The following CCDC178 variants were observed in gnomAD, a reference collection of about 807,000 sequenced individuals.
The protein encoded by CCDC178 is coiled-coil domain-containing protein 178.
In CCDC178, 126 loss-of-function variants were observed where a neutral mutation model predicts 117.4. That is an observed-to-expected ratio of 1.07 (90% confidence interval 0.93 to 1.24). The LOEUF (loss-of-function observed/expected upper bound fraction) is 1.24. Ranked by LOEUF, CCDC178 falls within the 50% of genes most tolerant of loss-of-function variation. The probability of loss-of-function intolerance (pLI) is 0.00; values close to 1 mark genes in which losing one functional copy is unlikely to be tolerated. For synonymous variants in CCDC178, 283 were observed against 313.4 expected (o/e 0.90, Z 1.02); for missense variants, 1,030 against 986.9 (o/e 1.04, Z -0.59).
At chr18:33,326,461 G>T (rs541713888) in intron 10 of CCDC178, among the ~76,000 whole-genome samples, 5 of 152,148 alleles carry the variant, frequency 3.3e-5, no homozygotes, top group Admixed American at 3.3e-4. Flanking sequence ...ACTCTAAGGG[G>T]TAAAATATGT....
chr18:33,127,508 T>G (rs2058022411), intron 20 of CCDC178, among the ~76,000 whole-genome samples: 1 of 152,194 alleles, frequency 6.6e-6, no homozygotes, highest in Admixed American at 6.5e-5. Flanking sequence ...CAATCTTGGC[T>G]CACTGCAACC....
At chr18:33,157,436 A>G (rs1425854739) in intron 20 of CCDC178, among the ~76,000 whole-genome samples, 3 of 152,204 alleles carry the variant, frequency 2.0e-5, no homozygotes, top group African/African-American at 7.2e-5. Context: ...ATGAACTAAT[A>G]TGATTTTGTT....
At chr18:33,018,683 A>G (rs777584863) in intron 21 of CCDC178, among the ~76,000 whole-genome samples, 1 of 152,120 alleles carries the variant, frequency 6.6e-6, no homozygotes, top group African/African-American at 2.4e-5. Context: ...TTAAATGTGC[A>G]GAATAGGCAA....
intron 21 of CCDC178, among the ~76,000 whole-genome samples, chr18:32,988,267 C>A (rs547366559): frequency 6.6e-6 from 1 of 151,762 alleles, no homozygotes; most frequent in Admixed American, 6.6e-5. Flanking sequence ...GAAACCCCGT[C>A]CCTGTTATAA....
At chr18:33,329,368 T>C (rs1378515395) in intron 10 of CCDC178, among the ~76,000 whole-genome samples, 2 of 152,212 alleles carry the variant, frequency 1.3e-5, no homozygotes. Context: ...CTCTTATTTA[T>C]GATCCTAGAG....
At chr18:33,357,161 T>A (rs939147137) in intron 6 of CCDC178, among the ~76,000 whole-genome samples, 7 of 152,102 alleles carry the variant, frequency 4.6e-5, no homozygotes, top group East Asian at 1.9e-4. Flanking sequence ...CATGTATTGA[T>A]TTATGTCTTT....
At chr18:33,375,654 G>C (rs559991643) in intron 5 of CCDC178, among the ~76,000 whole-genome samples, 18 of 152,214 alleles carry the variant, frequency 1.2e-4, no homozygotes, top group Non-Finnish European at 2.1e-4. Context: ...ACATTTGTAT[G>C]ATCAGACATA....
chr18:33,338,026 C>T (rs2062764776), intron 9 of CCDC178, among the ~76,000 whole-genome samples: 2 of 151,954 alleles, frequency 1.3e-5, no homozygotes, highest in South Asian at 4.1e-4. Context: ...AGGACTAATC[C>T]AAAATCTACA....
chr18:33,114,726 A>G (rs2057830037), intron 20 of CCDC178, among the ~76,000 whole-genome samples: 1 of 152,112 alleles, frequency 6.6e-6, no homozygotes, highest in Non-Finnish European at 1.5e-5. Flanking sequence ...AGCTATATTC[A>G]AATATTTTAT....
At chr18:33,264,732 T>C (rs1454951315) in intron 14 of CCDC178, among the ~76,000 whole-genome samples, 1 of 152,032 alleles carries the variant, frequency 6.6e-6, no homozygotes, top group African/African-American at 2.4e-5. Flanking sequence ...GACTTGGCCA[T>C]GTGACTTGCT....
At chr18:33,372,776 TG>T (rs1171671243) in intron 5 of CCDC178, among the ~76,000 whole-genome samples, 1 of 152,202 alleles carries the variant, frequency 6.6e-6, no homozygotes, top group African/African-American at 2.4e-5. Context: ...CAACTCTTAC[TG>T]CTCAATGAAT....
At chr18:32,942,914 G>A (rs1188699237) in intron 22 of CCDC178, among the ~76,000 whole-genome samples, 2 of 151,334 alleles carry the variant, frequency 1.3e-5, no homozygotes, top group Non-Finnish European at 2.9e-5. Flanking sequence ...CTTTTTTTTT[G>A]TGCAATGTTA....
intron 22 of CCDC178, among the ~76,000 whole-genome samples, chr18:32,939,717 T>C (rs1490765260): frequency 6.6e-6 from 1 of 152,140 alleles, no homozygotes; most frequent in African/African-American, 2.4e-5. Flanking sequence ...TCAGCACTAA[T>C]AACCTGCATG....
chr18:33,264,017 G>A (rs2059784140), intron 14 of CCDC178, among the ~76,000 whole-genome samples: 1 of 151,934 alleles, frequency 6.6e-6, no homozygotes, highest in Non-Finnish European at 1.5e-5. Context: ...TAAATTATTA[G>A]GTGCAGATTA....
chr18:33,328,188 G>A lies in CCDC178; in HGVS notation c.880-4555C>T, dbSNP rs541877993. On this transcript the variant is annotated intron_variant, in intron 10 of 22. Coordinates refer to ENST00000383096, the MANE Select transcript of CCDC178 (RefSeq NM_001105528.4). ...GCGATCTCGGCTCACTGCAACCCCC[G>A]CCCCACCGGGCTCAAGCGATTCTTC... 6.3e-4 allele frequency: 155 copies of A among 246,414 alleles called. 1 individual carries two copies. Among genetic ancestry groups the A allele is most frequent in the African/African-American group, 3.7e-3 (131 of 35,864 alleles). 15.3% of individuals were successfully genotyped at this position (246,414 alleles called of 1,614,324 possible). A position where few individuals can be genotyped will look rare whatever the true frequency, so the allele number is the denominator to read the frequency against.
chr18:33,156,330 C>T (rs940198921), intron 20 of CCDC178, among the ~76,000 whole-genome samples: 19 of 151,222 alleles, frequency 1.3e-4, no homozygotes, highest in African/African-American at 4.1e-4. Context: ...CCTTGTGATC[C>T]GCCCGCCTCT....
In CCDC178 at chr18:33,092,870, G is replaced by A; in HGVS notation, c.2279C>T (p.Ala760Val). 1 of 1,570,054 alleles carries A rather than the reference G, an allele frequency of 6.4e-7. No individual in the cohort carries two copies. The highest frequency in any genetic ancestry group is 8.6e-7 in the Non-Finnish European group (1 of 1,161,222). Residue 760 changes from alanine (A) to valine (V), a missense_variant, in exon 21 of 23, where the codon GCT becomes GTT. Transcript: ENST00000383096. ...ADSLEENLRLAQEYQQLQITF... is the reference protein window; with the variant it reads ...ADSLEENLRLVQEYQQLQITF... ...AATCTGTAGCTGTTGATACTCTTGA[G>A]CTAAACGCAGATTTTCTTCAAGTGA...
At chr18:33,159,135 T>C (rs149414669) in intron 20 of CCDC178, among the ~76,000 whole-genome samples, 104 of 152,246 alleles carry the variant, frequency 6.8e-4, no homozygotes, top group Middle Eastern at 3.4e-3. Context: ...GTCACAGTTA[T>C]ACATTTTTGG....
At chr18:32,977,424 G>T (rs1322906011) in intron 21 of CCDC178, among the ~76,000 whole-genome samples, 3 of 152,140 alleles carry the variant, frequency 2.0e-5, no homozygotes, top group Non-Finnish European at 4.4e-5. Flanking sequence ...AGATATGCTT[G>T]TTAGACATTA....
Sources: allele counts gnomAD v4.1 joint callset (sites outside exome capture counted in the v4.1 genomes callset), GRCh38; gene constraint gnomAD v4.1.1; transcripts MANE v1.5; gene names NCBI Gene and HGNC (gene_info 2026-07-23, HGNC 2026-07-21).